ELMO1: variants seen among roughly 807,000 people sequenced by gnomAD.
ELMO1 encodes engulfment and cell motility 1, also known as engulfment and cell motility protein 1.
A neutral mutation model predicts 98.9 loss-of-function variants in ELMO1; 26 were observed. The observed-to-expected ratio is 0.26, with a 90% CI of 0.19 to 0.36. ELMO1 has a LOEUF of 0.36. Ranked by LOEUF, ELMO1 falls within the 10% of genes least tolerant of loss-of-function variation. The probability of loss-of-function intolerance (pLI) is 1.00; values close to 1 mark genes in which losing one functional copy is unlikely to be tolerated. For synonymous variants in ELMO1, 346 were observed against 346.0 expected, an observed-to-expected ratio of 1.00 and a Z score of 0.00; for missense variants, 627 against 935.2, an observed-to-expected ratio of 0.67 and a Z score of 4.30.
At chr7:37,065,953 C>G (rs1796938600) in intron 15 of ELMO1, among the ~76,000 whole-genome samples, 1 of 152,174 alleles carries the variant, frequency 6.6e-6, no homozygotes, top group Non-Finnish European at 1.5e-5. Flanking sequence ...ATAACTGAAT[C>G]ATGGGGCAGC....
At chr7:37,319,889 A>C (rs1799389574) in intron 2 of ELMO1, among the ~76,000 whole-genome samples, 1 of 151,892 alleles carries the variant, frequency 6.6e-6, no homozygotes, top group African/African-American at 2.4e-5. Flanking sequence ...TCCAATCCCC[A>C]TGTCAACTAT....
chr7:37,155,814 C>A (rs1788721185), intron 13 of ELMO1, among the ~76,000 whole-genome samples: 1 of 152,042 alleles, frequency 6.6e-6, no homozygotes, highest in South Asian at 2.1e-4. Flanking sequence ...CAGCTATGGA[C>A]CAAGCAGACC....
At position 36,900,250 on chromosome 7, in the gene ELMO1, G is replaced by A. The variant is rs142438399; in HGVS notation, c.1438-5233C>T. Among the ~76,000 whole-genome samples, 578 of 152,276 alleles carry A rather than the reference G, an allele frequency of 3.8e-3. 4 individuals are homozygous for A. Among genetic ancestry groups the A allele is most frequent in the Non-Finnish European group, 5.8e-3 (396 of 68,014 alleles). On this transcript the variant is annotated intron_variant, in intron 16 of 21. Transcript: ENST00000310758. The stretch of plus-strand genomic sequence containing the variant: ...GCATCTACAACTTCCAGCAAGTCTT[G>A]TCATATCACCAGCAAGCAGTGAAGC...
intron 4 of ELMO1, among the ~76,000 whole-genome samples, chr7:37,306,289 A>C (rs1006678259): frequency 2.0e-5 from 3 of 152,244 alleles, no homozygotes; most frequent in African/African-American, 7.2e-5. Flanking sequence ...ACAAATCAAC[A>C]TATATTTAGA....
chr7:37,426,203 G>A (rs536528211), intron 1 of ELMO1, among the ~76,000 whole-genome samples: 41 of 139,456 alleles, frequency 2.9e-4, no homozygotes, highest in Non-Finnish European at 5.4e-4. Flanking sequence ...ACCCAGGCTG[G>A]AGTACAGTGG....
chr7:37,292,725 C>T (rs1387282949), intron 4 of ELMO1, among the ~76,000 whole-genome samples: 81 of 91,788 alleles, frequency 8.8e-4, no homozygotes, highest in Non-Finnish European at 1.4e-3. Context: ...CCGCCCCGTC[C>T]GGGAGGGAGG....
chr7:37,059,221 C>G (rs1016974716), intron 15 of ELMO1, among the ~76,000 whole-genome samples: 1 of 152,144 alleles, frequency 6.6e-6, no homozygotes, highest in Non-Finnish European at 1.5e-5. Flanking sequence ...AAATATCACT[C>G]CAGTGGGGGC....
At chr7:37,347,634 C>A (rs1801071387) in intron 1 of ELMO1, among the ~76,000 whole-genome samples, 1 of 152,136 alleles carries the variant, frequency 6.6e-6, no homozygotes, top group South Asian at 2.1e-4. Context: ...CATGTAAGAG[C>A]CTTCTGCCAT....
rs539221691 is a variant in ELMO1 at position 37,157,598 on chromosome 7, C to G, written c.1087-24364G>C. ...ATAAAATACCTAGGAATCCAACTTA[C>G]AAGGGATGTGAAGGAACTCTTCAAG... On this transcript the variant is annotated intron_variant, in intron 13 of 21. Coordinates refer to ENST00000310758, the MANE Select transcript of ELMO1 (RefSeq NM_014800.11). Among the ~76,000 whole-genome samples the G allele has an allele frequency of 1.1e-4, 17 of 152,188 alleles. No homozygotes were observed. In the South Asian group the frequency reaches 3.5e-3, roughly 32 times the overall value.
At chr7:37,167,285 T>C (rs921021309) in intron 13 of ELMO1, among the ~76,000 whole-genome samples, 1 of 152,198 alleles carries the variant, frequency 6.6e-6, no homozygotes, top group African/African-American at 2.4e-5. Flanking sequence ...GTCTTGACTC[T>C]TTATCCAATT....
At position 37,216,633 on chromosome 7, in the gene ELMO1, A is replaced by G; in HGVS notation, c.831+12T>C. The G allele has an allele frequency of 6.2e-7, 1 of 1,614,002 alleles. No individual in the cohort carries two copies. Among genetic ancestry groups the G allele is most frequent in the Non-Finnish European group, 8.5e-7 (1 of 1,179,838 alleles). On this transcript the variant is annotated intron_variant, in intron 11 of 21. Transcript: ENST00000310758. The stretch of plus-strand genomic sequence containing the variant: ...CTCCCCCACAAAGAGGTCACAGCGC[A>G]TAGGTACTCACTGTTAAAATGATGG...
chr7:37,277,011 A>T (rs1796873882), intron 4 of ELMO1, among the ~76,000 whole-genome samples: 2 of 152,250 alleles, frequency 1.3e-5, no homozygotes, highest in African/African-American at 2.4e-5. Flanking sequence ...CCATGAGAGC[A>T]GATAGTTTAT....
intron 16 of ELMO1, among the ~76,000 whole-genome samples, chr7:37,006,235 G>A (rs1379190423): frequency 1.3e-5 from 2 of 152,206 alleles, no homozygotes; most frequent in East Asian, 3.8e-4. Flanking sequence ...ACTATCTGGG[G>A]AAATCAAGGC....
At chr7:36,934,842 A>G (rs1373336448) in intron 16 of ELMO1, among the ~76,000 whole-genome samples, 1 of 152,198 alleles carries the variant, frequency 6.6e-6, no homozygotes, top group Non-Finnish European at 1.5e-5. Flanking sequence ...ACAGCCAATG[A>G]CCCAGGTTGT....
chr7:37,358,596 G>A (rs1203803016), intron 1 of ELMO1, among the ~76,000 whole-genome samples: 2 of 152,110 alleles, frequency 1.3e-5, no homozygotes, highest in African/African-American at 2.4e-5. Flanking sequence ...TGATGAGAAA[G>A]GTCAAAGAAA....
At chr7:37,077,522 C>G (rs1420296295) in intron 15 of ELMO1, among the ~76,000 whole-genome samples, 3 of 152,176 alleles carry the variant, frequency 2.0e-5, no homozygotes, top group Non-Finnish European at 4.4e-5. Context: ...AAAAAATACA[C>G]AGTTGCAGGA....
chr7:37,094,583 C>T (rs1784278836), intron 15 of ELMO1, among the ~76,000 whole-genome samples: 1 of 152,138 alleles, frequency 6.6e-6, no homozygotes, highest in African/African-American at 2.4e-5. Flanking sequence ...GATGGGGATC[C>T]ACTGACCCAG....
intron 18 of ELMO1, among the ~76,000 whole-genome samples, chr7:36,885,848 A>G (rs1057078783): frequency 1.3e-5 from 2 of 152,100 alleles, no homozygotes; most frequent in Non-Finnish European, 2.9e-5. Flanking sequence ...TTCCTACACA[A>G]TCTTAAAGAA....
chr7:37,337,340 C>T (rs1800467941), intron 2 of ELMO1, among the ~76,000 whole-genome samples: 1 of 151,316 alleles, frequency 6.6e-6, no homozygotes, highest in South Asian at 2.1e-4. Flanking sequence ...AACACATGGA[C>T]ACAGGAAGGG....
Sources: allele counts gnomAD v4.1 joint callset (sites outside exome capture counted in the v4.1 genomes callset), GRCh38; gene constraint gnomAD v4.1.1; transcripts MANE v1.5; gene names NCBI Gene and HGNC (gene_info 2026-07-23, HGNC 2026-07-21).